Variants in GOLGB1 observed in about 807,000 individuals in gnomAD.
GOLGB1 encodes the protein golgin subfamily B member 1.
Under a neutral mutation model 336.9 loss-of-function variants are expected in GOLGB1, and 174 were observed. That is an observed-to-expected ratio of 0.52 (90% CI 0.46 to 0.59). The LOEUF is 0.59. Among genes scored for constraint, GOLGB1 ranks in the 20% least tolerant of loss-of-function variants. GOLGB1 has a pLI of 0.00. For synonymous variants in GOLGB1, 1,208 were observed against 1,289.2 expected (o/e 0.94, Z 1.35); for missense variants, 3,331 against 3,645.3 (o/e 0.91, Z 2.22).
intron 4 of GOLGB1, 70 bp downstream of exon 4, chr3:121,729,118 T>C: frequency 5.9e-6 from 6 of 1,012,602 alleles, no homozygotes; most frequent in Non-Finnish European, 8.8e-6. Context: ...ATGTTTGTGA[T>C]TGGTGAAGAT....
In GOLGB1 at chr3:121,692,581, C is replaced by A; in HGVS notation, c.6783G>T (p.Arg2261Ser). ...CCCAAATCTGCTTGTCATGTTCAAG[C>A]CTGAAACAGAGAGAAGGTCATTAGT... Reference protein sequence around the residue: ...HMEELKINISRLEHDKQIWES... With the variant: ...HMEELKINISSLEHDKQIWES... The change falls in exon 14 of 22, where the codon AGG (arginine) becomes AGT (serine). Residue 2261 changes from arginine (R) to serine (S), a missense_variant and splice_region_variant. Coordinates refer to ENST00000614479, the MANE Select transcript of GOLGB1 (RefSeq NM_001366282.2). The A allele has an allele frequency of 1.3e-6, 2 of 1,548,508 alleles. No homozygotes were observed. Among genetic ancestry groups the A allele is most frequent in the East Asian group, 2.3e-5 (1 of 44,440 alleles).
At chr3:121,723,922 A>T (rs1404772927) in intron 5 of GOLGB1, among the ~76,000 whole-genome samples, 2 of 152,160 alleles carry the variant, frequency 1.3e-5, no homozygotes, top group Non-Finnish European at 2.9e-5. Flanking sequence ...AGTTACTATT[A>T]AAAAAACAGA....
chr3:121,687,202 C>A (rs991215419), intron 14 of GOLGB1, among the ~76,000 whole-genome samples: 1 of 152,114 alleles, frequency 6.6e-6, no homozygotes, highest in Non-Finnish European at 1.5e-5. Context: ...GCGGAGGTTG[C>A]AGTGAGCCAA....
At chr3:121,664,867 C>A (rs1462416060) in intron 21 of GOLGB1, 59 bp downstream of exon 21, 1 of 1,043,084 alleles carries the variant, frequency 9.6e-7, no homozygotes, top group Non-Finnish European at 1.5e-6. Flanking sequence ...TCCTTGCCCC[C>A]AGTATAGCCA....
At chr3:121,735,495 T>G (rs374684061) in intron 1 of GOLGB1, among the ~76,000 whole-genome samples, 5 of 152,328 alleles carry the variant, frequency 3.3e-5, no homozygotes, top group South Asian at 2.1e-4. Context: ...TTGGTAAATT[T>G]CTTTCTCACA....
intron 4 of GOLGB1, among the ~76,000 whole-genome samples, chr3:121,728,559 C>T (rs999737626): frequency 1.9e-4 from 29 of 152,098 alleles, no homozygotes; most frequent in African/African-American, 6.3e-4. Flanking sequence ...GGAGTTTAAC[C>T]ATACAGGAAA....
chr3:121,669,172 C>A, intron 18 of GOLGB1, 40 bp downstream of exon 18: 20 of 1,606,840 alleles, frequency 1.2e-5, no homozygotes, highest in Non-Finnish European at 1.6e-5. Flanking sequence ...CACTAAATTT[C>A]ATCACACTTC....
At chr3:121,679,786 G>A (rs572147149) in intron 15 of GOLGB1, among the ~76,000 whole-genome samples, 11 of 152,170 alleles carry the variant, frequency 7.2e-5, no homozygotes, top group Admixed American at 2.6e-4. Flanking sequence ...GCCTCTCTCC[G>A]ACTGCCCCTC....
chr3:121,705,183 A>G (rs1486332566), intron 10 of GOLGB1, among the ~76,000 whole-genome samples: 1 of 152,220 alleles, frequency 6.6e-6, no homozygotes, highest in Admixed American at 6.5e-5. Context: ...GTATATGATT[A>G]TGAAGATTCT....
intron 13 of GOLGB1, 110 bp downstream of exon 13, chr3:121,693,631 G>A: frequency 1.3e-6 from 1 of 792,480 alleles, no homozygotes; most frequent in Non-Finnish European, 2.0e-6. Context: ...ATCTTCCATG[G>A]ACATTTATGC....
chr3:121,731,056 G>T, intron 1 of GOLGB1, 83 bp from the exon 2 acceptor site: 1 of 1,359,118 alleles, frequency 7.4e-7, no homozygotes, highest in Non-Finnish European at 1.0e-6. Context: ...CATATCATCC[G>T]TGAATGAAAA....
chr3:121,716,864 C>A lies in GOLGB1; in HGVS notation c.1161G>T (p.Leu387Phe), dbSNP rs144825522. The A allele has an allele frequency of 1.3e-4, 208 of 1,613,938 alleles. No individual in the cohort carries two copies. The highest frequency in any genetic ancestry group is 1.6e-4 in the Non-Finnish European group (188 of 1,179,848). Residue 387 changes from leucine (L) to phenylalanine (F), a missense_variant, in exon 9 of 22, where the codon TTG becomes TTT. Physicochemically the swap from Leu to Phe is conservative, Grantham distance 22. Coordinates refer to ENST00000614479, the MANE Select transcript of GOLGB1 (RefSeq NM_001366282.2). Reference protein sequence around the residue: ...AEMEEKTSHILSLQKTGQELQ... With the variant: ...AEMEEKTSHIFSLQKTGQELQ... ...GCTCTTGTCCAGTCTTTTGAAGACT[C>A]AAAATATGAGAGGTCTTCTCTTCCA... is the stretch of plus-strand genomic sequence containing the variant.
intron 4 of GOLGB1, among the ~76,000 whole-genome samples, chr3:121,727,345 T>TTTTTTTTTTC (rs1945753701): frequency 7.8e-6 from 1 of 128,180 alleles, no homozygotes; most frequent in Non-Finnish European, 1.7e-5. Flanking sequence ...TTTTTTTTTT[T>TTTTTTTTTTC]TTTCCCTCAC....
chr3:121,711,688 G>C (rs974756919), intron 10 of GOLGB1, among the ~76,000 whole-genome samples: 2 of 152,050 alleles, frequency 1.3e-5, no homozygotes, highest in African/African-American at 4.8e-5. Flanking sequence ...TTACATATTA[G>C]CATACATTGG....
In GOLGB1 at chr3:121,691,898, T is replaced by C. The variant is rs1195317406; in HGVS notation, c.7466A>G (p.Glu2489Gly). The change falls in exon 14 of 22, where the codon GAA (glutamate) becomes GGA (glycine). Residue 2489 changes from glutamate to glycine, a missense_variant. Glu to Gly is a moderately conservative substitution (Grantham distance 98). Transcript: ENST00000614479. ...CAAGATTATAGAGAGATGTCGCTCTTCCAGCTGTTGATAGTCACCCACTAT... is the reference window on the plus strand; with the variant it reads ...CAAGATTATAGAGAGATGTCGCTCTCCCAGCTGTTGATAGTCACCCACTAT... ...DRIVGDYQQLEERHLSIILEK... is the reference protein window; with the variant it reads ...DRIVGDYQQLGERHLSIILEK... The C allele has an allele frequency of 1.2e-6, 2 of 1,613,874 alleles. No homozygotes were observed. The highest frequency in any genetic ancestry group is 2.2e-5 in the East Asian group (1 of 44,892).
intron 1 of GOLGB1, among the ~76,000 whole-genome samples, chr3:121,746,453 C>CTTTATTTATTTATTTA (rs10530584): frequency 2.0e-5 from 3 of 150,856 alleles, no homozygotes; most frequent in Admixed American, 2.0e-4. Context: ...ATTTAACTCA[C>CTTTATTTATTTATTTA]TTTATTTATT....
intron 17 of GOLGB1, among the ~76,000 whole-genome samples, chr3:121,673,420 G>A (rs1939856389): frequency 6.6e-6 from 1 of 151,922 alleles, no homozygotes; most frequent in Admixed American, 6.6e-5. Flanking sequence ...GAGTTTTTGT[G>A]GTTACATACA....
intron 1 of GOLGB1, among the ~76,000 whole-genome samples, chr3:121,737,285 A>T (rs1022035773): frequency 2.0e-5 from 3 of 152,252 alleles, no homozygotes; most frequent in Non-Finnish European, 4.4e-5. Flanking sequence ...ATAGAACTGG[A>T]CTATGCATAG....
intron 10 of GOLGB1, among the ~76,000 whole-genome samples, chr3:121,710,771 C>T (rs1944289109): frequency 6.6e-6 from 1 of 151,994 alleles, no homozygotes; most frequent in Non-Finnish European, 1.5e-5. Flanking sequence ...GCGGGAGGAT[C>T]ACTTAAGCCC....
Sources: allele counts gnomAD v4.1 joint callset (sites outside exome capture counted in the v4.1 genomes callset), GRCh38; gene constraint gnomAD v4.1.1; transcripts MANE v1.5; gene names NCBI Gene and HGNC (gene_info 2026-07-23, HGNC 2026-07-21).